PDYN: variants seen among roughly 807,000 people sequenced by gnomAD.
The protein encoded by PDYN is proenkephalin-B.
In PDYN, 5 loss-of-function variants were observed where a neutral mutation model predicts 11.4. The observed-to-expected ratio is 0.44, with a 90% CI of 0.23 to 0.92. PDYN has a LOEUF of 0.92. PDYN is among the 40% of genes least tolerant of loss of function. The probability of loss-of-function intolerance (pLI) is 0.24; values close to 1 mark genes in which losing one functional copy is unlikely to be tolerated. For missense variants in PDYN, 337 were observed against 317.3 expected, an observed-to-expected ratio of 1.06 and a Z score of -0.47; for synonymous variants, 132 against 129.5, an observed-to-expected ratio of 1.02 and a Z score of -0.13.
chr20:1,992,327 A>C (rs1048855694), intron 2 of PDYN, among the ~76,000 whole-genome samples: 2 of 152,122 alleles, frequency 1.3e-5, no homozygotes, highest in Admixed American at 1.3e-4. Context: ...TACTTCAAGA[A>C]ACCTTAACTC....
At chr20:1,982,811 A>C (rs1568539039) in intron 3 of PDYN, 145 bp downstream of exon 3, 1 of 790,236 alleles carries the variant, frequency 1.3e-6, no homozygotes, top group East Asian at 2.8e-5. Context: ...CAGGCCATCT[A>C]TAGGGCAGGA....
chr20:1,984,262 A>G (rs1399795445), intron 2 of PDYN, among the ~76,000 whole-genome samples: 1 of 152,144 alleles, frequency 6.6e-6, no homozygotes, highest in East Asian at 1.9e-4. Flanking sequence ...AGACTTCTAC[A>G]TCACTAGTTC....
chr20:1,981,059 C>A, intron 3 of PDYN, 101 bp from the exon 4 acceptor site: 1 of 1,308,856 alleles, frequency 7.6e-7, no homozygotes, highest in East Asian at 2.4e-5. Flanking sequence ...CCAAAATGAA[C>A]GCCACTGCTA....
At chr20:1,988,591 G>C (rs559504970) in intron 2 of PDYN, among the ~76,000 whole-genome samples, 21 of 152,194 alleles carry the variant, frequency 1.4e-4, no homozygotes, top group Non-Finnish European at 2.8e-4. Flanking sequence ...TTGGTAAGCG[G>C]GAGGCATGAT....
At position 1,980,512 on chromosome 20, in the gene PDYN, C is replaced by G. The variant is rs1214201179; in HGVS notation, c.576G>C (p.Glu192Asp). ...YPKRSSEVAG[E>D]GDGDSMGHED... ...CATGGCCCATGCTATCCCCGTCCCC[C>G]TCCCCAGCCACCTCTGAGCTCCTCT... Residue 192 changes from glutamate (E) to aspartate (D), a missense_variant, in exon 4 of 4, where the codon GAG becomes GAC. By Grantham distance (45) the Glu-to-Asp change is conservative. Coordinates refer to ENST00000217305, the MANE Select transcript of PDYN (RefSeq NM_024411.5). 3 of 1,613,044 alleles carry G rather than the reference C, an allele frequency of 1.9e-6. No homozygotes were observed. Among genetic ancestry groups the G allele is most frequent in the African/African-American group, 2.7e-5 (2 of 74,836 alleles).
At chr20:1,991,902 G>A (rs577679153) in intron 2 of PDYN, among the ~76,000 whole-genome samples, 2 of 152,250 alleles carry the variant, frequency 1.3e-5, no homozygotes, top group Non-Finnish European at 2.9e-5. Context: ...GAGGGGAAAG[G>A]AGCACCAGCC....
At chr20:1,982,798 G>A (rs1055139460) in intron 3 of PDYN, among the ~76,000 whole-genome samples, 158 bp downstream of exon 3, 2 of 152,158 alleles carry the variant, frequency 1.3e-5, no homozygotes, top group Non-Finnish European at 2.9e-5. Context: ...AGCCCCTGGT[G>A]TCCAGGCCAT....
chr20:1,980,132 C>T lies in PDYN; in HGVS notation c.*191G>A. 1.5e-6 allele frequency: 1 copy of T among 681,244 alleles called. No homozygotes were observed. The highest frequency in any genetic ancestry group is 2.6e-6 in the Non-Finnish European group (1 of 387,230). The allele number at this position is 681,244 out of a possible 1,614,324, so 42.2% of individuals were successfully genotyped here. ...CCTATTGTGGGGAAGGGACATCCACCCTTCCCCATCACAGACCCCAGAGAA... is the reference window on the plus strand; with the variant it reads ...CCTATTGTGGGGAAGGGACATCCACTCTTCCCCATCACAGACCCCAGAGAA... On this transcript the variant is annotated 3_prime_UTR_variant, in exon 4 of 4. Coordinates refer to ENST00000217305, the MANE Select transcript of PDYN (RefSeq NM_024411.5).
In PDYN at chr20:1,980,284, C is replaced by T. The variant is rs1311080936; in HGVS notation, c.*39G>A. ...AATGCACTCCAACCTGAAAAGGTGT[C>T]AGGGGTTTCTCCTGACTCTACTCCA... On this transcript the variant is annotated 3_prime_UTR_variant, in exon 4 of 4. Coordinates refer to ENST00000217305, the MANE Select transcript of PDYN (RefSeq NM_024411.5). The T allele has an allele frequency of 8.7e-6, 14 of 1,608,296 alleles. No homozygotes were observed. The highest frequency in any genetic ancestry group is 1.2e-5 in the Non-Finnish European group (14 of 1,175,110).
chr20:1,988,736 G>C (rs990798117), intron 2 of PDYN, among the ~76,000 whole-genome samples: 1 of 152,198 alleles, frequency 6.6e-6, no homozygotes, highest in Admixed American at 6.5e-5. Flanking sequence ...TACCTCGGGT[G>C]CTTTGTAATA....
rs891328968 is a variant in PDYN, at chr20:1,980,638, C to T, written c.450G>A (p.Gln150=). 2 of 1,614,194 alleles carry T rather than the reference C, an allele frequency of 1.2e-6. No homozygotes were observed. Among genetic ancestry groups the T allele is most frequent in the African/African-American group, 1.3e-5 (1 of 75,034 alleles). ...GAESELMRDA[Q]LNDGAMETGT... ...CAGTCTCCATGGCACCATCGTTCAG[C>T]TGGGCATCCCTCATCAGCTCAGACT... is the stretch of plus-strand genomic sequence containing the variant. The change falls in exon 4 of 4, where the codon CAG becomes CAA. Residue 150 remains glutamine, a synonymous_variant. Transcript: ENST00000217305.
chr20:1,991,146 C>T (rs1988427572), intron 2 of PDYN, among the ~76,000 whole-genome samples: 2 of 152,166 alleles, frequency 1.3e-5, no homozygotes, highest in South Asian at 4.1e-4. Flanking sequence ...CCAATTCTCT[C>T]CCTCCTGCTG....
In PDYN at chr20:1,980,598, C is replaced by A; in HGVS notation, c.490G>T (p.Ala164Ser). 1.9e-6 allele frequency: 3 copies of A among 1,614,182 alleles called. No homozygotes were observed. The highest frequency in any genetic ancestry group is 2.5e-6 in the Non-Finnish European group (3 of 1,180,048). The change falls in exon 4 of 4, where the codon GCT becomes TCT. Residue 164 changes from alanine to serine, a missense_variant. Physicochemically the swap from Ala to Ser is moderately conservative, Grantham distance 99. Coordinates refer to ENST00000217305, the MANE Select transcript of PDYN (RefSeq NM_024411.5). The part of the protein sequence containing the change: ...GAMETGTLYL[A>S]EEDPKEQVKR... ...ACCTGCTCCTTGGGGTCCTCCTCAG[C>A]GAGATAGAGTGTGCCAGTCTCCATG... is the stretch of plus-strand genomic sequence containing the variant.
At chr20:1,991,255 C>T (rs1988432739) in intron 2 of PDYN, among the ~76,000 whole-genome samples, 1 of 152,222 alleles carries the variant, frequency 6.6e-6, no homozygotes, top group Admixed American at 6.5e-5. Context: ...ATCAAATCGT[C>T]CAGGAATAGG....
At chr20:1,981,946 A>ATAAATAAATAAG (rs1259072101) in intron 3 of PDYN, among the ~76,000 whole-genome samples, 1 of 149,784 alleles carries the variant, frequency 6.7e-6, no homozygotes, top group African/African-American at 2.5e-5. Flanking sequence ...AAATAAATAA[A>ATAAATAAATAAG]TAAATAAATA....
At chr20:1,986,470 G>T (rs1988189267) in intron 2 of PDYN, among the ~76,000 whole-genome samples, 1 of 152,120 alleles carries the variant, frequency 6.6e-6, no homozygotes, top group Non-Finnish European at 1.5e-5. Context: ...CTGCACCTCT[G>T]CCCTGTGTCC....
At position 1,983,037 on chromosome 20, in the gene PDYN, G is replaced by A. The variant is rs1466881069; in HGVS notation, c.48C>T (p.Pro16=). Residue 16 remains proline (P), a synonymous_variant, in exon 3 of 4, where the codon CCC becomes CCT. Coordinates refer to ENST00000217305, the MANE Select transcript of PDYN (RefSeq NM_024411.5). ...GCGACAGGCAGTCCGCTGTGGTGGA[G>A]GGGAACATGAGGAGGCAGGCAGCCA... ...LVLAACLLMF[P]STTADCLSRC... is the part of the protein sequence containing the mutation. 12 of 1,613,832 alleles carry A rather than the reference G, an allele frequency of 7.4e-6. No homozygotes were observed. Among genetic ancestry groups the A allele is most frequent in the East Asian group, 2.2e-5 (1 of 44,886 alleles).
intron 3 of PDYN, among the ~76,000 whole-genome samples, chr20:1,981,463 T>G (rs1987784235): frequency 6.6e-6 from 1 of 152,110 alleles, no homozygotes; most frequent in East Asian, 1.9e-4. Context: ...ATAGGGCCAT[T>G]GGGAGCATTC....
intron 1 of PDYN, among the ~76,000 whole-genome samples, chr20:1,993,397 T>C (rs1321164958): frequency 1.3e-5 from 2 of 152,028 alleles, no homozygotes; most frequent in South Asian, 2.1e-4. Context: ...TTAAACACAA[T>C]CCGAAAAGAA....
Sources: allele counts gnomAD v4.1 joint callset (sites outside exome capture counted in the v4.1 genomes callset), GRCh38; gene constraint gnomAD v4.1.1; transcripts MANE v1.5; gene names NCBI Gene and HGNC (gene_info 2026-07-23, HGNC 2026-07-21).